The following RAD51B variants were observed in gnomAD, a reference collection of about 807,000 sequenced individuals.
RAD51B encodes the protein DNA repair protein RAD51 homolog 2.
In RAD51B, 38 loss-of-function variants were observed where a neutral mutation model predicts 42.2. The observed-to-expected ratio is 0.90, with a 90% CI of 0.70 to 1.18. RAD51B has a LOEUF of 1.18. Among genes scored for constraint, RAD51B ranks in the 50% most tolerant of loss-of-function variants. The pLI, the probability that RAD51B is intolerant of heterozygous loss-of-function variation, is 0.00. For missense variants in RAD51B, 373 were observed against 400.7 expected, an observed-to-expected ratio of 0.93 and a Z score of 0.59; for synonymous variants, 154 against 145.2, an observed-to-expected ratio of 1.06 and a Z score of -0.43.
At chr14:67,890,777 A>G (rs1251526019) in intron 7 of RAD51B, among the ~76,000 whole-genome samples, 2 of 152,076 alleles carry the variant, frequency 1.3e-5, no homozygotes, top group East Asian at 3.9e-4. Context: ...TACCATATGT[A>G]TGTCATATTT....
intron 10 of RAD51B, among the ~76,000 whole-genome samples, chr14:68,605,312 T>C (rs895133563): frequency 1.0e-4 from 15 of 149,858 alleles, no homozygotes; most frequent in Admixed American, 2.0e-4. Context: ...CAAACATAAA[T>C]TTAATTCTCT....
At chr14:68,266,025 A>G (rs2080985371) in intron 7 of RAD51B, among the ~76,000 whole-genome samples, 1 of 152,198 alleles carries the variant, frequency 6.6e-6, no homozygotes, top group African/African-American at 2.4e-5. Context: ...GTTCCCATCA[A>G]ATTTGTTCTT....
chr14:68,635,837 G>C (rs1310132925), intron 10 of RAD51B, among the ~76,000 whole-genome samples: 1 of 152,232 alleles, frequency 6.6e-6, no homozygotes, highest in African/African-American at 2.4e-5. Context: ...CTGGCTGCTA[G>C]AGAGAGACCC....
rs538185222 is a variant in RAD51B, at chr14:68,169,663, G to A, written c.757-122221G>A. ...TCCTGCTGGCTCGAATTTTCCTGTGGCCAGATGGTCTGAGAGGCAGTTAGT... is the reference window on the plus strand; with the variant it reads ...TCCTGCTGGCTCGAATTTTCCTGTGACCAGATGGTCTGAGAGGCAGTTAGT... On this transcript the variant is annotated intron_variant, in intron 7 of 10. Coordinates refer to ENST00000471583, the MANE Select transcript of RAD51B (RefSeq NM_133510.4). 2.0e-5 allele frequency among the ~76,000 whole-genome samples: 3 copies of A among 152,180 alleles called. 1 individual carries two copies. Among genetic ancestry groups the A allele is most frequent in the African/African-American group, 7.2e-5 (3 of 41,524 alleles).
chr14:68,537,494 G>A (rs1393159888), intron 10 of RAD51B, among the ~76,000 whole-genome samples: 1 of 70,996 alleles, frequency 1.4e-5, no homozygotes, highest in Admixed American at 1.6e-4. Context: ...GCAAGATTTC[G>A]TCTCAAAAAA....
intron 10 of RAD51B, among the ~76,000 whole-genome samples, chr14:68,537,741 C>T (rs1478922367): frequency 1.3e-5 from 2 of 152,062 alleles, no homozygotes; most frequent in Non-Finnish European, 2.9e-5. Context: ...CATATATGCT[C>T]CCTTTGATAA....
intron 5 of RAD51B, among the ~76,000 whole-genome samples, chr14:67,873,415 A>G (rs367841207): frequency 6.6e-6 from 1 of 151,556 alleles, no homozygotes; most frequent in Non-Finnish European, 1.5e-5. Flanking sequence ...TTAGAATGGC[A>G]ATCATTAAAA....
chr14:68,283,611 G>A (rs1266446786), intron 7 of RAD51B, among the ~76,000 whole-genome samples: 6 of 152,152 alleles, frequency 3.9e-5, no homozygotes, highest in East Asian at 1.9e-4. Context: ...GGATGCCGTC[G>A]GGGTTGGGCT....
downstream of RAD51B, among the ~76,000 whole-genome samples, chr14:68,478,696 C>G (rs944492931): frequency 7.9e-5 from 12 of 152,228 alleles, no homozygotes; most frequent in African/African-American, 2.7e-4. Flanking sequence ...TGTACCTGCT[C>G]CTCCATCAGA....
At chr14:68,603,260 G>A (rs1891298285) in intron 10 of RAD51B, among the ~76,000 whole-genome samples, 1 of 152,084 alleles carries the variant, frequency 6.6e-6, no homozygotes. Flanking sequence ...AATATTATAG[G>A]TTTTTAGGGC....
At chr14:68,595,132 G>A (rs1042284406) in exon 11 of RAD51B, 41 of 1,066,802 alleles carry the variant, frequency 3.8e-5, no homozygotes, top group Non-Finnish European at 4.7e-5. Flanking sequence ...CAGCATGTTA[G>A]GAGCGCTGGA....
chr14:68,017,077 A>G (rs1262589727), intron 7 of RAD51B, among the ~76,000 whole-genome samples: 1 of 152,202 alleles, frequency 6.6e-6, no homozygotes, highest in Admixed American at 6.5e-5. Context: ...CCAAATTTCT[A>G]ATAATGAGTA....
intron 7 of RAD51B, among the ~76,000 whole-genome samples, chr14:68,104,498 A>G (rs982597505): frequency 6.6e-6 from 1 of 152,174 alleles, no homozygotes; most frequent in African/African-American, 2.4e-5. Context: ...ACCTAGGGTG[A>G]CATGGTGAGA....
At chr14:67,997,169 A>G (rs1025419923) in intron 7 of RAD51B, among the ~76,000 whole-genome samples, 6 of 152,214 alleles carry the variant, frequency 3.9e-5, no homozygotes, top group African/African-American at 1.4e-4. Flanking sequence ...TTGGAAGTTA[A>G]TTTGGGAGTT....
At chr14:68,225,572 A>G (rs2080021367) in intron 7 of RAD51B, among the ~76,000 whole-genome samples, 1 of 152,192 alleles carries the variant, frequency 6.6e-6, no homozygotes, top group African/African-American at 2.4e-5. Flanking sequence ...TTAGAACCAT[A>G]CTTGGAAATT....
intron 9 of RAD51B, among the ~76,000 whole-genome samples, chr14:68,462,249 C>T (rs2085863674): frequency 6.6e-6 from 1 of 152,130 alleles, no homozygotes; most frequent in Non-Finnish European, 1.5e-5. Flanking sequence ...GTGAGGAGCA[C>T]GTAGTGGAAT....
intron 8 of RAD51B, among the ~76,000 whole-genome samples, chr14:68,351,016 T>C (rs916438551): frequency 4.6e-5 from 7 of 152,240 alleles, no homozygotes; most frequent in African/African-American, 1.7e-4. Flanking sequence ...GTAGCTCCAC[T>C]GAATTCACTT....
intron 8 of RAD51B, among the ~76,000 whole-genome samples, chr14:68,394,752 T>G (rs2083864181): frequency 6.6e-6 from 1 of 152,220 alleles, no homozygotes; most frequent in African/African-American, 2.4e-5. Flanking sequence ...GGGCCCGGGC[T>G]CCTGTCCTTT....
intron 4 of RAD51B, among the ~76,000 whole-genome samples, chr14:67,860,414 C>A (rs939275959): frequency 6.6e-6 from 1 of 151,968 alleles, no homozygotes; most frequent in African/African-American, 2.4e-5. Flanking sequence ...GAGAGAATTT[C>A]CTGGGATAAC....
Sources: gnomAD v4.1 joint callset for allele counts (sites outside exome capture counted in the v4.1 genomes callset) on GRCh38, gnomAD v4.1.1 for gene constraint, MANE v1.5 for transcripts, NCBI Gene and HGNC (gene_info 2026-07-23, HGNC 2026-07-21) for gene names.